Variants in PLEKHA4 observed in about 807,000 individuals in gnomAD.
PLEKHA4 encodes the protein pleckstrin homology domain containing A4.
PLEKHA4 carries 73 observed loss-of-function variants against 94.7 expected under a neutral mutation model. The observed-to-expected ratio is 0.77, with a 90% CI of 0.64 to 0.94. PLEKHA4 has a LOEUF of 0.94. Ranked by LOEUF, PLEKHA4 falls within the 40% of genes least tolerant of loss-of-function variation. PLEKHA4 has a pLI of 0.00. For synonymous variants in PLEKHA4, 449 were observed against 437.1 expected, an observed-to-expected ratio of 1.03 and a Z score of -0.34; for missense variants, 1,049 against 1,054.1, an observed-to-expected ratio of 1.00 and a Z score of 0.07.
intron 8 of PLEKHA4, 142 bp from the exon 9 acceptor site, chr19:48,857,638 CAT>C (rs767031858): frequency 4.2e-5 from 26 of 612,096 alleles, no homozygotes; most frequent in Non-Finnish European, 6.7e-5. Flanking sequence ...CTCTCTGAAA[CAT>C]GTGCTGTGTC....
At chr19:48,851,764 G>A (rs2036199940) in intron 13 of PLEKHA4, among the ~76,000 whole-genome samples, 1 of 151,862 alleles carries the variant, frequency 6.6e-6, no homozygotes, top group African/African-American at 2.4e-5. Context: ...AGACCAGCCT[G>A]ACCAACATGT....
chr19:48,838,184 G>A, intron 18 of PLEKHA4, 55 bp from the exon 19 acceptor site: 1 of 1,028,512 alleles, frequency 9.7e-7, no homozygotes, highest in Non-Finnish European at 1.5e-6. Flanking sequence ...GAGAGGTGGG[G>A]GATGGTTAAT....
chr19:48,843,468 C>T lies in PLEKHA4; in HGVS notation c.1743+1902G>A, dbSNP rs892741495. On this transcript the variant is annotated intron_variant, in intron 16 of 19. Coordinates refer to ENST00000263265, the MANE Select transcript of PLEKHA4 (RefSeq NM_020904.3). ...TGCTGGGATTACAGGCGTTAGCCAC[C>T]GCACGCGGTCTTTTTTCTTTTTTTT... 2.0e-5 allele frequency among the ~76,000 whole-genome samples: 3 copies of T among 150,802 alleles called. No individual in the cohort carries two copies. The South Asian group carries it at 6.3e-4, about 32-fold the overall frequency.
At chr19:48,865,642 G>A (rs774187909) in intron 2 of PLEKHA4, 32 bp from the exon 3 acceptor site, 1 of 1,498,460 alleles carries the variant, frequency 6.7e-7, no homozygotes, top group Non-Finnish European at 9.3e-7. Context: ...AGTGAACAGG[G>A]AGAGCCTAGG....
rs372247356 is a variant in PLEKHA4, at chr19:48,854,855, G to A, written c.1048-591C>T. Among the ~76,000 whole-genome samples the A allele has an allele frequency of 4.2e-3, 638 of 151,544 alleles. 3 individuals are homozygous for A. Among genetic ancestry groups the A allele is most frequent in the Middle Eastern group, 6.8e-3 (2 of 294 alleles). On this transcript the variant is annotated intron_variant, in intron 9 of 19. Coordinates refer to ENST00000263265, the MANE Select transcript of PLEKHA4 (RefSeq NM_020904.3). ...GGTGGGACAACAGATGCCAGCCACC[G>A]GTGCCAGCTAAGGTTGTTTGTTTGT...
chr19:48,858,219 G>A (rs1358254513), intron 8 of PLEKHA4, among the ~76,000 whole-genome samples: 1 of 152,150 alleles, frequency 6.6e-6, no homozygotes, highest in African/African-American at 2.4e-5. Context: ...AGACAAAACA[G>A]CAGGCAACCA....
In PLEKHA4 at chr19:48,837,525, G is replaced by C. The variant is rs146010977; in HGVS notation, c.2104C>G (p.Pro702Ala). The change falls in exon 20 of 20, where the codon CCT becomes GCT. Residue 702 changes from proline (P) to alanine (A), a missense_variant. Coordinates refer to ENST00000263265, the MANE Select transcript of PLEKHA4 (RefSeq NM_020904.3). The surrounding 1 kb of genome is among the most constrained non-coding windows in gnomAD (Gnocchi z 4.3). ...TGGNLDSQGD[P>A]LPGVPLPPSD... The stretch of plus-strand genomic sequence containing the variant: ...GGAGGCAGCGGCACACCGGGAAGAG[G>C]GTCTCCCTGGGAGTCCAAATTTCCA... 1,114 of 1,613,338 alleles carry C rather than the reference G, an allele frequency of 6.9e-4. 4 individuals carry two copies. The highest frequency in any genetic ancestry group is 1.2e-3 in the South Asian group (108 of 91,064).
Position 48,859,376 on chromosome 19 carries a change from A to C in PLEKHA4, c.692+93T>G, listed in dbSNP as rs1333754231. On this transcript the variant is annotated intron_variant, in intron 7 of 19. Transcript: ENST00000263265. ...ACGGGAGCCCCAGCAAGTCACACAC[A>C]CTCAAGCAGAAAGCGCTAAGGCCCG... 5.9e-6 allele frequency: 8 copies of C among 1,358,522 alleles called. No individual in the cohort carries two copies. The South Asian group carries it at 7.4e-5, about 13-fold the overall frequency. The allele number at this position is 1,358,522 out of a possible 1,614,324, so 84.2% of individuals were successfully genotyped here.
intron 13 of PLEKHA4, 117 bp from the exon 14 acceptor site, chr19:48,848,157 A>T: frequency 8.4e-7 from 1 of 1,189,094 alleles, no homozygotes; most frequent in Admixed American, 2.3e-5. Flanking sequence ...GTTGGGATTT[A>T]TTTTTTTTCC....
chr19:48,849,908 T>C (rs2036114171), intron 13 of PLEKHA4, among the ~76,000 whole-genome samples: 1 of 152,140 alleles, frequency 6.6e-6, no homozygotes, highest in African/African-American at 2.4e-5. Flanking sequence ...GGATCTGAAG[T>C]AGGTATTAAA....
chr19:48,840,289 C>T (rs1210204296), intron 17 of PLEKHA4, among the ~76,000 whole-genome samples: 1 of 151,850 alleles, frequency 6.6e-6, no homozygotes, highest in Admixed American at 6.6e-5. Context: ...GTGGCATATC[C>T]CTGTAGTCCT....
At chr19:48,841,576 G>A (rs916079687) in intron 16 of PLEKHA4, among the ~76,000 whole-genome samples, 6 of 151,940 alleles carry the variant, frequency 3.9e-5, no homozygotes, top group East Asian at 1.9e-4. Flanking sequence ...GCAGTGAGCC[G>A]AGATCACGCC....
chr19:48,845,530 G>A lies in PLEKHA4; in HGVS notation c.1653C>T (p.Ala551=). 1 of 1,612,246 alleles carries A rather than the reference G, an allele frequency of 6.2e-7. No individual in the cohort carries two copies. Among genetic ancestry groups the A allele is most frequent in the Non-Finnish European group, 8.5e-7 (1 of 1,178,770 alleles). Reference sequence around the variant, plus strand: ...CAGGATGCTCACCTAAGTGAGGGCTGGCGAGGTCTTTGTCGCCTCCAGGAG... The same window carrying A: ...CAGGATGCTCACCTAAGTGAGGGCTAGCGAGGTCTTTGTCGCCTCCAGGAG... The part of the protein sequence containing the change: ...GRPPGGDKDL[A]SPHLGLGSPR... Residue 551 remains alanine (A), a synonymous_variant, in exon 15 of 20, where the codon GCC becomes GCT. Transcript: ENST00000263265.
chr19:48,860,932 C>T (rs948120003), intron 5 of PLEKHA4, among the ~76,000 whole-genome samples: 1 of 151,988 alleles, frequency 6.6e-6, no homozygotes, highest in Non-Finnish European at 1.5e-5. Flanking sequence ...ACTGGACAGA[C>T]GCGGTGGCTC....
chr19:48,859,020 G>T lies in PLEKHA4; in HGVS notation c.812C>A (p.Thr271Asn), dbSNP rs1229599256. 1.3e-6 allele frequency: 2 copies of T among 1,571,264 alleles called. No homozygotes were observed. Among genetic ancestry groups the T allele is most frequent in the Non-Finnish European group, 1.7e-6 (2 of 1,164,340 alleles). The change falls in exon 8 of 20, where the codon ACC becomes AAC. Residue 271 changes from threonine (T) to asparagine (N), a missense_variant. Coordinates refer to ENST00000263265, the MANE Select transcript of PLEKHA4 (RefSeq NM_020904.3). The part of the protein sequence containing the change: ...GDTAPPARPH[T>N]PLSRIDVRPP... ...TCGGACATCAATGCGACTCAACGGG[G>T]TGTGAGGTCGGGCAGGGGGTGCTGT...
intron 18 of PLEKHA4, 37 bp from the exon 19 acceptor site, chr19:48,838,166 A>G: frequency 9.7e-7 from 1 of 1,028,498 alleles, no homozygotes; most frequent in Admixed American, 2.0e-5. Flanking sequence ...GGGGGTGTGT[A>G]CATGGGGGAG....
intron 2 of PLEKHA4, among the ~76,000 whole-genome samples, chr19:48,866,109 ACT>A (rs1328832581): frequency 6.7e-6 from 1 of 149,976 alleles, no homozygotes; most frequent in East Asian, 2.0e-4. Context: ...GAGTTAAGAG[ACT>A]CTTTTTTTTT....
rs1462852537 is a variant in PLEKHA4, at chr19:48,867,500, C to T, written c.84+37G>A. 1 of 1,563,992 alleles carries T rather than the reference C, an allele frequency of 6.4e-7. No homozygotes were observed. Among genetic ancestry groups the T allele is most frequent in the Non-Finnish European group, 8.7e-7 (1 of 1,154,944 alleles). ...AACAGAAGGATGGGCGGCCCAGAGC[C>T]CCACCTTCCTCCCCATCCCCGCCAG... On this transcript the variant is annotated intron_variant, in intron 2 of 19. Transcript: ENST00000263265. This position sits in a 1 kb window ranked among gnomAD's most constrained non-coding sequence, Gnocchi z 4.7.
intron 3 of PLEKHA4, among the ~76,000 whole-genome samples, chr19:48,863,847 C>T (rs2036738112): frequency 6.6e-6 from 1 of 152,188 alleles, no homozygotes; most frequent in South Asian, 2.1e-4. Flanking sequence ...GCTGGGATTA[C>T]AGGCGTCAGC....
Sources: gnomAD v4.1 joint callset for allele counts (sites outside exome capture counted in the v4.1 genomes callset) on GRCh38, gnomAD v4.1.1 for gene constraint, Gnocchi (gnomAD v3.1) non-coding constraint, MANE v1.5 for transcripts, NCBI Gene and HGNC (gene_info 2026-07-23, HGNC 2026-07-21) for gene names.